Variants in SLIT3 observed in about 807,000 individuals in gnomAD.
SLIT3 encodes the protein slit guidance ligand 3, also known as slit homolog 3 protein.
Under a neutral mutation model 184.0 loss-of-function variants are expected in SLIT3, and 68 were observed. The ratio of observed to expected loss-of-function variants is 0.37; its 90% CI spans 0.30 to 0.45. The LOEUF (loss-of-function observed/expected upper bound fraction) is 0.45, where lower values mean the gene tolerates loss of function less well. Among genes scored for constraint, SLIT3 ranks in the 20% least tolerant of loss-of-function variants. The pLI, the probability that SLIT3 is intolerant of heterozygous loss-of-function variation, is 1.00. For synonymous variants in SLIT3, 831 were observed against 828.6 expected (o/e 1.00, Z -0.05); for missense variants, 1,707 against 2,026.0 (o/e 0.84, Z 3.02).
intron 23 of SLIT3, among the ~76,000 whole-genome samples, chr5:168,721,409 T>C (rs1187717889): frequency 6.6e-6 from 1 of 152,190 alleles, no homozygotes; most frequent in African/African-American, 2.4e-5. Context: ...ACTAAGTACT[T>C]CATATACAGT....
At chr5:168,893,460 C>T (rs1392827170) in intron 4 of SLIT3, among the ~76,000 whole-genome samples, 1 of 152,072 alleles carries the variant, frequency 6.6e-6, no homozygotes, top group Non-Finnish European at 1.5e-5. Flanking sequence ...AGTAGCATGT[C>T]TAATGCTGGC....
intron 5 of SLIT3, among the ~76,000 whole-genome samples, chr5:168,845,833 G>A (rs1758443436): frequency 6.6e-6 from 1 of 152,142 alleles, no homozygotes; most frequent in African/African-American, 2.4e-5. Context: ...TGGTCTTTGG[G>A]GCTGCAGGAC....
intron 1 of SLIT3, among the ~76,000 whole-genome samples, chr5:169,262,326 T>G (rs1380695451): frequency 1.3e-5 from 2 of 152,160 alleles, no homozygotes; most frequent in African/African-American, 4.8e-5. Context: ...TGAGAGGCAG[T>G]GAAGGCACTG....
intron 4 of SLIT3, among the ~76,000 whole-genome samples, chr5:169,166,419 G>A (rs1040029977): frequency 1.3e-5 from 2 of 152,184 alleles, no homozygotes; most frequent in Non-Finnish European, 2.9e-5. Context: ...TGAGCAATGG[G>A]GGAGTGGGCT....
chr5:168,954,778 G>T (rs1005134468), intron 4 of SLIT3, among the ~76,000 whole-genome samples: 11 of 152,182 alleles, frequency 7.2e-5, no homozygotes, highest in African/African-American at 2.4e-4. Context: ...TTGGTAAACT[G>T]ATGAGTAAAG....
chr5:168,791,110 C>T (rs987790622), intron 10 of SLIT3: 1 of 152,246 alleles, frequency 6.6e-6, no homozygotes, highest in Non-Finnish European at 1.5e-5. Context: ...CTGGATTATC[C>T]TAATCTCACT....
chr5:168,766,566 C>T lies in SLIT3; in HGVS notation c.1460-3877G>A, dbSNP rs1755352866. On this transcript the variant is annotated intron_variant, in intron 14 of 35. Transcript: ENST00000519560. ...TGGAGTCTATTATGAGTGCAGCCAT[C>T]TGCCTGAAAACAGAGGGAAATACCC... Among the ~76,000 whole-genome samples the T allele has an allele frequency of 2.0e-5, 3 of 152,230 alleles. No individual in the cohort carries two copies. The South Asian group carries it at 6.2e-4, about 32-fold the overall frequency.
At chr5:168,888,821 A>G (rs1021575169) in intron 4 of SLIT3, among the ~76,000 whole-genome samples, 2 of 152,206 alleles carry the variant, frequency 1.3e-5, no homozygotes, top group Non-Finnish European at 2.9e-5. Flanking sequence ...GTGAATTACC[A>G]TTCTGATTCT....
intron 3 of SLIT3, among the ~76,000 whole-genome samples, chr5:169,219,187 G>A (rs528498319): frequency 5.6e-4 from 86 of 152,218 alleles, no homozygotes; most frequent in Middle Eastern, 3.4e-3. Flanking sequence ...ATTATCAGAA[G>A]AAAAAAGACC....
chr5:169,143,815 G>A (rs1448240108), intron 4 of SLIT3, among the ~76,000 whole-genome samples: 1 of 152,100 alleles, frequency 6.6e-6, no homozygotes, highest in African/African-American at 2.4e-5. Flanking sequence ...AACAAAAACA[G>A]TATGTATGCA....
chr5:168,917,555 G>C (rs1761485322), intron 4 of SLIT3, among the ~76,000 whole-genome samples: 1 of 152,126 alleles, frequency 6.6e-6, no homozygotes, highest in African/African-American at 2.4e-5. Context: ...TTTTTTACAA[G>C]ACTCTGTATT....
intron 18 of SLIT3, among the ~76,000 whole-genome samples, chr5:168,752,211 A>G (rs547779163): frequency 6.6e-6 from 1 of 152,148 alleles, no homozygotes; most frequent in East Asian, 1.9e-4. Context: ...TCCCTCATTC[A>G]GCACTGTGAC....
At chr5:168,749,904 G>A (rs1021065274) in intron 18 of SLIT3, among the ~76,000 whole-genome samples, 2 of 152,086 alleles carry the variant, frequency 1.3e-5, no homozygotes, top group African/African-American at 4.8e-5. Flanking sequence ...GATTCACCCC[G>A]AGAGCCTTCA....
At chr5:168,836,749 G>A (rs544177972) in intron 6 of SLIT3, among the ~76,000 whole-genome samples, 7 of 152,186 alleles carry the variant, frequency 4.6e-5, no homozygotes, top group South Asian at 2.1e-4. Context: ...CAGGAGGTTC[G>A]TTGATTCAAG....
chr5:168,747,182 C>T (rs962011145), intron 20 of SLIT3, among the ~76,000 whole-genome samples: 2 of 152,282 alleles, frequency 1.3e-5, no homozygotes, highest in East Asian at 1.9e-4. Context: ...GATTGCGGCT[C>T]TAGCATCATT....
intron 4 of SLIT3, chr5:169,036,256 T>C (rs1219179773): frequency 1.3e-5 from 2 of 152,192 alleles, no homozygotes; most frequent in Non-Finnish European, 1.5e-5. Flanking sequence ...TCCTCCTTCG[T>C]GGGATCCAGT....
At chr5:169,053,537 T>C (rs972500234) in intron 4 of SLIT3, among the ~76,000 whole-genome samples, 1 of 152,210 alleles carries the variant, frequency 6.6e-6, no homozygotes, top group African/African-American at 2.4e-5. Context: ...TCTTATATGA[T>C]ATAGTCTATA....
chr5:169,268,670 C>T (rs1356022845), intron 1 of SLIT3, among the ~76,000 whole-genome samples: 1 of 152,204 alleles, frequency 6.6e-6, no homozygotes, highest in Non-Finnish European at 1.5e-5. Context: ...TTCATTACTA[C>T]TCGTGTGTTT....
At chr5:169,193,347 C>A in intron 4 of SLIT3, 132 bp downstream of exon 4, 1 of 750,916 alleles carries the variant, frequency 1.3e-6, no homozygotes, top group Admixed American at 1.9e-5. Flanking sequence ...CATGTCAAAG[C>A]CCTGCTCCAA....
Sources: allele counts gnomAD v4.1 joint callset (sites outside exome capture counted in the v4.1 genomes callset), GRCh38; gene constraint gnomAD v4.1.1; transcripts MANE v1.5; gene names NCBI Gene and HGNC (gene_info 2026-07-23, HGNC 2026-07-21).